CHN2: variants seen among roughly 807,000 people sequenced by gnomAD.
CHN2 encodes the protein beta-chimaerin.
A neutral mutation model predicts 56.3 loss-of-function variants in CHN2; 35 were observed. The ratio of observed to expected loss-of-function variants is 0.62; its 90% confidence interval spans 0.47 to 0.82. The LOEUF (loss-of-function observed/expected upper bound fraction) is 0.82, where lower values mean the gene tolerates loss of function less well. Among genes scored for constraint, CHN2 ranks in the 40% least tolerant of loss-of-function variants. The probability of loss-of-function intolerance (pLI) is 0.00; values close to 1 mark genes in which losing one functional copy is unlikely to be tolerated. For synonymous variants in CHN2, 210 were observed against 212.8 expected (o/e 0.99, Z 0.12); for missense variants, 491 against 580.5 (o/e 0.85, Z 1.58).
In CHN2 at chr7:29,195,647, TGTGAGAGA is replaced by T. The variant is rs1479650113; in HGVS notation, c.49+659_49+666del. Among the ~76,000 whole-genome samples, 455 of 134,846 alleles carry T rather than the reference TGTGAGAGA, an allele frequency of 3.4e-3. 2 individuals carry two copies. Among genetic ancestry groups the T allele is most frequent in the African/African-American group, 0.013 (442 of 35,014 alleles). The allele number at this position is 134,846 out of a possible 152,430, so 88.5% of individuals were successfully genotyped here. On this transcript the variant is annotated intron_variant, in intron 1 of 12. Coordinates refer to ENST00000222792, the MANE Select transcript of CHN2 (RefSeq NM_004067.4). ...GAGAGAGAGTGTGTGTGTGTGTGTGTGTGAGAGAGAGAGAGAGAGAGACTCCTTAGAGA... is the reference window on the plus strand; with the variant it reads ...GAGAGAGAGTGTGTGTGTGTGTGTGTGAGAGAGAGAGAGACTCCTTAGAGA...
intron 7 of CHN2, among the ~76,000 whole-genome samples, chr7:29,483,165 A>G (rs1369533570): frequency 2.0e-5 from 3 of 152,124 alleles, no homozygotes; most frequent in East Asian, 1.9e-4. Flanking sequence ...CAAATTTGCC[A>G]GTAGAGTTTC....
chr7:29,477,504 C>T (rs1209744151), intron 6 of CHN2, among the ~76,000 whole-genome samples: 1 of 152,234 alleles, frequency 6.6e-6, no homozygotes, highest in Non-Finnish European at 1.5e-5. Context: ...GTCCAGTCCA[C>T]ATCACAGAAT....
chr7:29,232,905 C>A (rs979114000), intron 1 of CHN2, among the ~76,000 whole-genome samples: 1 of 152,142 alleles, frequency 6.6e-6, no homozygotes, highest in Admixed American at 6.5e-5. Flanking sequence ...ATTGAATTGT[C>A]CTCATGTGTA....
chr7:29,185,880 C>T (rs1414378394), intron 2 of CHN2, among the ~76,000 whole-genome samples: 1 of 152,138 alleles, frequency 6.6e-6, no homozygotes, highest in South Asian at 2.1e-4. Flanking sequence ...GTTGCACAGC[C>T]CTGTCCTATG....
chr7:29,452,373 G>C (rs909404369), intron 6 of CHN2, among the ~76,000 whole-genome samples: 6 of 152,182 alleles, frequency 3.9e-5, no homozygotes, highest in Non-Finnish European at 5.9e-5. Flanking sequence ...TTACTCTTGG[G>C]GGTGTGTGAA....
chr7:29,227,976 A>G (rs185225594), intron 1 of CHN2, among the ~76,000 whole-genome samples: 14 of 152,252 alleles, frequency 9.2e-5, no homozygotes, highest in Admixed American at 4.6e-4. Context: ...CTGGCATCCA[A>G]CAAGCTTATT....
Position 29,263,598 on chromosome 7 carries a change from G to A in CHN2, c.49+68608G>A, listed in dbSNP as rs1246269353. Among the ~76,000 whole-genome samples, 5 of 151,776 alleles carry A rather than the reference G, an allele frequency of 3.3e-5. No individual in the cohort carries two copies. In the East Asian group the frequency reaches 5.9e-4, roughly 18 times the overall value. On this transcript the variant is annotated intron_variant, in intron 1 of 12. Transcript: ENST00000222792. The stretch of plus-strand genomic sequence containing the variant: ...AGGAAGTGAGGAGCGTCTCTGCCTC[G>A]CTGCCCATTATCTGGGATGTGAGGA...
chr7:29,472,523 C>T (rs1786191047), intron 6 of CHN2, among the ~76,000 whole-genome samples: 1 of 152,070 alleles, frequency 6.6e-6, no homozygotes, highest in Non-Finnish European at 1.5e-5. Flanking sequence ...TAACGGGACA[C>T]CCAGGGTCAT....
At chr7:29,340,562 C>T (rs1796968891) in intron 1 of CHN2, among the ~76,000 whole-genome samples, 1 of 152,172 alleles carries the variant, frequency 6.6e-6, no homozygotes, top group Non-Finnish European at 1.5e-5. Context: ...GTTTAACTGT[C>T]CTCCAGGTGC....
In CHN2 at chr7:29,513,527, G is replaced by A. The variant is rs1791724476; in HGVS notation, c.*792G>A. 1 of 152,222 alleles carries A rather than the reference G, an allele frequency of 6.6e-6. No homozygotes were observed. Among genetic ancestry groups the A allele is most frequent in the African/African-American group, 2.4e-5 (1 of 41,452 alleles). The allele number at this position is 152,222 out of a possible 1,614,324, so 9.4% of individuals were successfully genotyped here. A position where few individuals can be genotyped will look rare whatever the true frequency, so the allele number is the denominator to read the frequency against. On this transcript the variant is annotated 3_prime_UTR_variant, in exon 13 of 13. Coordinates refer to ENST00000222792, the MANE Select transcript of CHN2 (RefSeq NM_004067.4). ...GTCATAGTCTTTTCGTATCATGAGT[G>A]TGTATCCCAGAAGATACAGAATGCG...
rs571129160 is a variant in CHN2, at chr7:29,237,302, T to C, written c.49+42312T>C. Among the ~76,000 whole-genome samples the C allele has an allele frequency of 5.9e-5, 9 of 152,362 alleles. 1 individual carries two copies. The South Asian group carries it at 1.9e-3, about 32-fold the overall frequency. On this transcript the variant is annotated intron_variant, in intron 1 of 12. Coordinates refer to ENST00000222792, the MANE Select transcript of CHN2 (RefSeq NM_004067.4). ...TGGAAAGTGTTAGATTTCCAGGCTC[T>C]GTGCCTTGCCTTTGCAGGTCTGTAA...
chr7:29,342,970 T>G (rs1797157701), intron 1 of CHN2, among the ~76,000 whole-genome samples: 2 of 152,246 alleles, frequency 1.3e-5, no homozygotes, highest in Non-Finnish European at 1.5e-5. Flanking sequence ...AGTGCACTAT[T>G]TTGTGCCAGT....
intron 1 of CHN2, chr7:29,212,671 G>A: frequency 6.8e-7 from 1 of 1,481,218 alleles, no homozygotes; most frequent in Non-Finnish European, 9.4e-7. Context: ...GCCTCCAGCA[G>A]ATGCAAGAAC....
chr7:29,360,801 CT>C (rs1342411402), intron 2 of CHN2, among the ~76,000 whole-genome samples: 1 of 152,212 alleles, frequency 6.6e-6, no homozygotes, highest in Non-Finnish European at 1.5e-5. Flanking sequence ...GCTGATGGGG[CT>C]GGCCTGGGCT....
chr7:29,216,712 G>A (rs1785372493), intron 1 of CHN2, among the ~76,000 whole-genome samples: 3 of 152,106 alleles, frequency 2.0e-5, no homozygotes, highest in Non-Finnish European at 4.4e-5. Flanking sequence ...AGGACCAATT[G>A]ATTTATCAAT....
intron 4 of CHN2, chr7:29,398,058 AGGG>A (rs10546638): frequency 0.63 from 100,411 of 159,346 alleles, 31,955 homozygotes; most frequent in East Asian, 0.77. Context: ...GTTAAAAAAA[AGGG>A]GGGGGGGGGG....
intron 7 of CHN2, among the ~76,000 whole-genome samples, chr7:29,483,068 G>A (rs1266559355): frequency 1.3e-5 from 2 of 151,722 alleles, no homozygotes; most frequent in Non-Finnish European, 2.9e-5. Context: ...TGATCCGCCC[G>A]TCTCGGCCTC....
At chr7:29,187,019 G>C (rs2128749794) in intron 2 of CHN2, among the ~76,000 whole-genome samples, 1 of 152,232 alleles carries the variant, frequency 6.6e-6, no homozygotes, top group East Asian at 1.9e-4. Context: ...ATTGTTATGG[G>C]TATATGACAA....
At chr7:29,390,349 T>C (rs1006879665) in intron 3 of CHN2, among the ~76,000 whole-genome samples, 2 of 152,204 alleles carry the variant, frequency 1.3e-5, no homozygotes, top group Non-Finnish European at 2.9e-5. Flanking sequence ...AGAGCAGACA[T>C]GGCCGATCCG....
Sources: gnomAD v4.1 joint callset for allele counts (sites outside exome capture counted in the v4.1 genomes callset) on GRCh38, gnomAD v4.1.1 for gene constraint, MANE v1.5 for transcripts, NCBI Gene and HGNC (gene_info 2026-07-23, HGNC 2026-07-21) for gene names.